Variants in DMD observed in about 807,000 individuals in gnomAD.
The protein encoded by DMD is dystrophin.
Under a neutral mutation model 330.1 loss-of-function variants are expected in DMD, and 63 were observed. The ratio of observed to expected loss-of-function variants is 0.19; its 90% CI spans 0.16 to 0.24. DMD has a LOEUF of 0.24. Ranked by LOEUF, DMD falls within the 10% of genes least tolerant of loss-of-function variation. The pLI is 1.00. For missense variants in DMD, 3,344 were observed against 2,684.1 expected (o/e 1.25, Z -5.43); for synonymous variants, 1,223 against 959.8 (o/e 1.27, Z -5.07).
At chrX:32,839,410 C>T (rs761982481) in intron 4 of DMD, among the ~76,000 whole-genome samples, 1 of 111,900 alleles carries the variant, frequency 8.9e-6, no homozygotes, top group Admixed American at 9.5e-5. Context: ...TTAACTGTTC[C>T]TAAGTATATA....
chrX:31,333,206 TA>T (rs2057230781), intron 61 of DMD, among the ~76,000 whole-genome samples: 1 of 111,556 alleles, frequency 9.0e-6, no homozygotes, highest in Non-Finnish European at 1.9e-5. Context: ...TCAAAATAAA[TA>T]GCTAAATATT....
intron 44 of DMD, among the ~76,000 whole-genome samples, chrX:31,970,510 A>G (rs939954563): frequency 1.8e-5 from 2 of 111,398 alleles, no homozygotes; most frequent in Non-Finnish European, 3.8e-5. Context: ...GTAGGCCAGA[A>G]GAGGGATGAT....
intron 7 of DMD, chrX:32,756,111 A>T (rs1160121657): frequency 9.8e-5 from 11 of 112,462 alleles, no homozygotes; most frequent in Non-Finnish European, 1.9e-4. Context: ...AAATCTTAGT[A>T]ACATTTTCAT....
intron 13 of DMD, among the ~76,000 whole-genome samples, chrX:32,594,406 C>T (rs932235726): frequency 1.8e-5 from 2 of 111,351 alleles, no homozygotes. Context: ...GGGCACTCAA[C>T]ACTAATAGGT....
chrX:32,114,796 A>G, intron 44 of DMD, among the ~76,000 whole-genome samples: 1 of 112,606 alleles, frequency 8.9e-6, no homozygotes. Flanking sequence ...GATACTCAAC[A>G]AATGTCTTTT....
intron 49 of DMD, among the ~76,000 whole-genome samples, chrX:31,820,432 A>G (rs756472608): frequency 1.3e-4 from 15 of 112,322 alleles, no homozygotes; most frequent in Non-Finnish European, 2.6e-4. Flanking sequence ...AAAATTATCC[A>G]GATAACTTTA....
chrX:32,126,289 G>C (rs2096661284), intron 44 of DMD, among the ~76,000 whole-genome samples: 1 of 112,114 alleles, frequency 8.9e-6, no homozygotes, highest in African/African-American at 3.2e-5. Flanking sequence ...AAGTTGATTA[G>C]GTAAAATGGT....
At chrX:31,595,990 A>G (rs1417940178) in intron 55 of DMD, among the ~76,000 whole-genome samples, 2 of 111,627 alleles carry the variant, frequency 1.8e-5, no homozygotes, top group East Asian at 5.6e-4. Flanking sequence ...TAATAAAATG[A>G]GAGAAACCAT....
chrX:32,664,842 T>A (rs189102088), intron 9 of DMD, among the ~76,000 whole-genome samples: 1 of 111,850 alleles, frequency 8.9e-6, no homozygotes, highest in Non-Finnish European at 1.9e-5. Flanking sequence ...GCCAGGAGGC[T>A]AGATAAGATC....
At chrX:33,247,913 C>T (rs939038831) in intron 1 of DMD, among the ~76,000 whole-genome samples, 17 of 111,806 alleles carry the variant, frequency 1.5e-4, no homozygotes, top group Non-Finnish European at 1.9e-4. Context: ...AATTTACTCT[C>T]AAATTAAGTT....
intron 55 of DMD, among the ~76,000 whole-genome samples, chrX:31,523,658 G>C (rs752745732): frequency 6.3e-5 from 7 of 111,922 alleles, no homozygotes; most frequent in Non-Finnish European, 1.1e-4. Context: ...AGAGAGGTGG[G>C]TGGGTAACCA....
intron 9 of DMD, among the ~76,000 whole-genome samples, chrX:32,667,602 A>G (rs17243708): frequency 9.0e-6 from 1 of 111,323 alleles, no homozygotes; most frequent in Non-Finnish European, 1.9e-5. Flanking sequence ...TGCACTAAAT[A>G]TTGTAGTTTA....
chrX:32,573,706 C>G, intron 14 of DMD, 39 bp downstream of exon 14: 1 of 1,191,655 alleles, frequency 8.4e-7, no homozygotes, highest in Non-Finnish European at 1.1e-6. Context: ...TTAATATCCC[C>G]CCGTGTCTTT....
chrX:32,882,602 G>A (rs2084067358), intron 2 of DMD, among the ~76,000 whole-genome samples: 2 of 111,761 alleles, frequency 1.8e-5, no homozygotes, highest in Admixed American at 1.9e-4. Context: ...ATATACTTCA[G>A]TACAAGGATA....
chrX:33,252,754 A>G (rs5972793), intron 1 of DMD, among the ~76,000 whole-genome samples: 11,277 of 111,297 alleles, frequency 0.1, 644 homozygotes, highest in African/African-American at 0.22. Context: ...TTAAAGCAAT[A>G]TATACATACA....
At chrX:32,108,344 A>G (rs1466578505) in intron 44 of DMD, among the ~76,000 whole-genome samples, 2 of 112,274 alleles carry the variant, frequency 1.8e-5, no homozygotes, top group Non-Finnish European at 3.8e-5. Flanking sequence ...AAGAGCAAAG[A>G]AGAATCTCAT....
chrX:32,679,548 C>G (rs2062218666), intron 9 of DMD, among the ~76,000 whole-genome samples: 1 of 110,500 alleles, frequency 9.0e-6, no homozygotes, highest in African/African-American at 3.3e-5. Context: ...TTCTTATGAA[C>G]TAAATGTAAT....
intron 55 of DMD, among the ~76,000 whole-genome samples, chrX:31,574,841 TTTTC>T (rs2076019835): frequency 8.9e-6 from 1 of 111,855 alleles, no homozygotes; most frequent in South Asian, 3.7e-4. Context: ...AAAACTACGA[TTTTC>T]TAATCGTAGT....
chrX:32,654,420 A>G (rs1428581404), intron 9 of DMD, among the ~76,000 whole-genome samples: 1 of 111,621 alleles, frequency 9.0e-6, no homozygotes, highest in South Asian at 3.8e-4. Flanking sequence ...TGTGGTTTCT[A>G]TCTTTGGTTC....
Sources: allele counts gnomAD v4.1 joint callset (sites outside exome capture counted in the v4.1 genomes callset), GRCh38; gene constraint gnomAD v4.1.1; transcripts MANE v1.5; gene names NCBI Gene and HGNC (gene_info 2026-07-23, HGNC 2026-07-21).